Variants in CRACDL observed in about 807,000 individuals in gnomAD.
The protein encoded by CRACDL is CRACD like, also known as CRACD-like protein.
In CRACDL, 26 loss-of-function variants were observed where a neutral mutation model predicts 70.6. The observed-to-expected ratio is 0.37, with a 90% CI of 0.27 to 0.51. The LOEUF is 0.51. Ranked by LOEUF, CRACDL falls within the 20% of genes least tolerant of loss-of-function variation. CRACDL has a pLI of 0.94. For missense variants in CRACDL, 1,283 were observed against 1,376.9 expected, an observed-to-expected ratio of 0.93 and a Z score of 1.08; for synonymous variants, 618 against 615.2, an observed-to-expected ratio of 1.00 and a Z score of -0.07.
intron 3 of CRACDL, among the ~76,000 whole-genome samples, chr2:98,835,608 GA>G (rs982212638): frequency 6.7e-6 from 1 of 149,382 alleles, no homozygotes; most frequent in South Asian, 2.1e-4. Context: ...ATGATATTTG[GA>G]AAAAAAAAGA....
chr2:98,826,978 T>C lies in CRACDL; in HGVS notation c.732A>G (p.Ser244=). 3 of 1,609,746 alleles carry C rather than the reference T, an allele frequency of 1.9e-6. No homozygotes were observed. The highest frequency in any genetic ancestry group is 2.5e-6 in the Non-Finnish European group (3 of 1,177,222). Residue 244 remains serine (S), a synonymous_variant, in exon 6 of 10, where the codon TCA becomes TCG. Transcript: ENST00000397899. Reference sequence around the variant, plus strand: ...GTGGAGAAGGAAACCCAATTACCGATGAGAGCCGCCTCATCTTACTCGACC... The same window carrying C: ...GTGGAGAAGGAAACCCAATTACCGACGAGAGCCGCCTCATCTTACTCGACC... ...NQRSSKMRRL[S]SRAQSESLSD...
intron 1 of CRACDL, among the ~76,000 whole-genome samples, chr2:98,849,572 CGGGGAGG>C (rs1030379533): frequency 5.3e-5 from 8 of 151,104 alleles, no homozygotes; most frequent in Non-Finnish European, 1.2e-4. Flanking sequence ...GGCGGAGGGC[CGGGGAGG>C]GGGGAGCATG....
At chr2:98,879,282 G>A (rs1303799637) in intron 1 of CRACDL, among the ~76,000 whole-genome samples, 2 of 152,094 alleles carry the variant, frequency 1.3e-5, no homozygotes, top group African/African-American at 2.4e-5. Flanking sequence ...ACCTGCACTC[G>A]CTTTTATTAA....
In CRACDL at chr2:98,832,642, C is replaced by T. The variant is rs1439170209; in HGVS notation, c.376-130G>A. The stretch of plus-strand genomic sequence containing the variant: ...GTGTGGTGCAGAGAACTGAACTGAA[C>T]GTGCATCTGCCACCAGCTCTTCCAC... On this transcript the variant is annotated intron_variant, in intron 4 of 9. Coordinates refer to ENST00000397899, the MANE Select transcript of CRACDL (RefSeq NM_207362.3). 1.9e-5 allele frequency: 19 copies of T among 1,020,716 alleles called. No individual in the cohort carries two copies. The East Asian group carries it at 3.3e-4, about 18-fold the overall frequency. 63.2% of individuals were successfully genotyped at this position (1,020,716 alleles called of 1,614,324 possible).
At chr2:98,802,925 G>A (rs1347454217) in intron 7 of CRACDL, among the ~76,000 whole-genome samples, 2 of 152,000 alleles carry the variant, frequency 1.3e-5, no homozygotes, top group Admixed American at 6.5e-5. Flanking sequence ...TTGGTACATG[G>A]TGTCCTTTCT....
intron 1 of CRACDL, among the ~76,000 whole-genome samples, chr2:98,848,352 C>T (rs997277503): frequency 6.6e-6 from 1 of 152,104 alleles, no homozygotes; most frequent in African/African-American, 2.4e-5. Flanking sequence ...CCCAAGAGTC[C>T]TTTAGAGGTG....
chr2:98,847,894 T>C (rs542475333), intron 1 of CRACDL, among the ~76,000 whole-genome samples: 2 of 152,252 alleles, frequency 1.3e-5, no homozygotes, highest in South Asian at 4.2e-4. Context: ...GATTTGCGGG[T>C]GTGTGCCCGA....
rs145121973 is a variant in CRACDL, at chr2:98,931,683, C to T, written c.-11+4255G>A. 6.2e-3 allele frequency among the ~76,000 whole-genome samples: 951 copies of T among 152,326 alleles called. 9 individuals carry two copies. Among genetic ancestry groups the T allele is most frequent in the African/African-American group, 0.022 (902 of 41,574 alleles). On this transcript the variant is annotated intron_variant, in intron 1 of 9. Coordinates refer to ENST00000397899, the MANE Select transcript of CRACDL (RefSeq NM_207362.3). Reference sequence around the variant, plus strand: ...TTCCATCTGCACTTTTCAAAACGAACTTCCATAATTTCCTTTCACAGATAC... The same window carrying T: ...TTCCATCTGCACTTTTCAAAACGAATTTCCATAATTTCCTTTCACAGATAC...
chr2:98,822,073 G>T lies in CRACDL; in HGVS notation c.2200C>A (p.Pro734Thr). The change falls in exon 7 of 10, where the codon CCC becomes ACC. Residue 734 changes from proline (P) to threonine (T), a missense_variant. This residue lies in a region of CRACDL where 921 missense variants were observed against 881.9 expected (regional missense o/e 1.04). Transcript: ENST00000397899. The surrounding 1 kb of genome is among the most constrained non-coding windows in gnomAD (Gnocchi z 4.9). Reference protein sequence around the residue: ...KEEKCPLGTAPALRGTRAPSD... With the variant: ...KEEKCPLGTATALRGTRAPSD... ...GGGGCCCTGGTGCCTCGAAGGGCGG[G>T]GGCCGTCCCGAGGGGACACTTCTCC... 6 of 1,553,260 alleles carry T rather than the reference G, an allele frequency of 3.9e-6. No homozygotes were observed. The highest frequency in any genetic ancestry group is 5.2e-6 in the Non-Finnish European group (6 of 1,148,426).
rs72958661 is a variant in CRACDL, at chr2:98,838,358, G to A, written c.71-71C>T. ...TGTGTTTATGTGCATGTATGCAACA[G>A]GCACGTAAAAGAGAGAAAGCAAGAT... On this transcript the variant is annotated intron_variant, in intron 2 of 9. Coordinates refer to ENST00000397899, the MANE Select transcript of CRACDL (RefSeq NM_207362.3). The A allele has an allele frequency of 3.1e-3, 2,603 of 834,828 alleles. 59 individuals carry two copies. The African/African-American group carries it at 0.041, about 13-fold the overall frequency. 51.7% of individuals were successfully genotyped at this position (834,828 alleles called of 1,614,324 possible).
chr2:98,920,047 C>A (rs1161962631), intron 1 of CRACDL, among the ~76,000 whole-genome samples: 5 of 152,188 alleles, frequency 3.3e-5, no homozygotes, highest in Non-Finnish European at 1.5e-5. Context: ...AGCCACTGTG[C>A]CTGGCCTACA....
intron 2 of CRACDL, among the ~76,000 whole-genome samples, chr2:98,842,057 T>C (rs78490612): frequency 0.031 from 4,649 of 152,240 alleles, 232 homozygotes; most frequent in African/African-American, 0.11. Flanking sequence ...TTGGGATTCA[T>C]TGGGTTTCTT....
At chr2:98,897,584 G>A (rs1242700164) in intron 1 of CRACDL, 1 of 265,664 alleles carries the variant, frequency 3.8e-6, no homozygotes, top group African/African-American at 2.2e-5. Flanking sequence ...CCAATGAAAG[G>A]AGAAAAATTA....
chr2:98,912,121 A>G (rs1708559624), intron 1 of CRACDL, among the ~76,000 whole-genome samples: 1 of 152,220 alleles, frequency 6.6e-6, no homozygotes, highest in Non-Finnish European at 1.5e-5. Context: ...TGTGACAACC[A>G]CTGGCGTCCT....
intron 1 of CRACDL, among the ~76,000 whole-genome samples, chr2:98,853,450 A>ATCTAAAAAGTGATATGTACTACACTTT (rs1346256292): frequency 3.9e-5 from 6 of 152,334 alleles, no homozygotes; most frequent in African/African-American, 1.2e-4. Flanking sequence ...ACTTTCACTT[A>ATCTAAAAAGTGATATGTACTACACTTT]TCTAAAAAGT....
At chr2:98,886,253 C>T (rs1210820882) in intron 1 of CRACDL, among the ~76,000 whole-genome samples, 5 of 152,192 alleles carry the variant, frequency 3.3e-5, no homozygotes, top group Non-Finnish European at 7.3e-5. Flanking sequence ...AAGGAAAACC[C>T]ACTATGACCT....
intron 1 of CRACDL, among the ~76,000 whole-genome samples, chr2:98,911,621 C>T (rs538378397): frequency 6.6e-5 from 10 of 152,282 alleles, no homozygotes; most frequent in South Asian, 6.2e-4. Flanking sequence ...GCTCCCAAGC[C>T]CACCTGAAGG....
intron 1 of CRACDL, among the ~76,000 whole-genome samples, chr2:98,886,749 T>A (rs767070381): frequency 1.3e-5 from 2 of 151,956 alleles, no homozygotes; most frequent in African/African-American, 2.4e-5. Context: ...TTCAGAAAAG[T>A]CAATAAACAA....
rs561839252 is a variant in CRACDL at position 98,821,774 on chromosome 2, T to C, written c.2416+83A>G. 1.7e-4 allele frequency: 251 copies of C among 1,501,988 alleles called. 4 individuals are homozygous for C. In the South Asian group the frequency reaches 3.0e-3, roughly 18 times the overall value. The allele number at this position is 1,501,988 out of a possible 1,614,324, so 93.0% of individuals were successfully genotyped here. A position where few individuals can be genotyped will look rare whatever the true frequency, so the allele number is the denominator to read the frequency against. On this transcript the variant is annotated intron_variant, in intron 7 of 9. Coordinates refer to ENST00000397899, the MANE Select transcript of CRACDL (RefSeq NM_207362.3). ...TGCAACAAAGTTTGTACCAGGAGCATTTGGCGAGTGTCCAGCAAGATGTGC... is the reference window on the plus strand; with the variant it reads ...TGCAACAAAGTTTGTACCAGGAGCACTTGGCGAGTGTCCAGCAAGATGTGC...
Sources: allele counts gnomAD v4.1 joint callset (sites outside exome capture counted in the v4.1 genomes callset), GRCh38; gene constraint gnomAD v4.1.1; regional missense constraint gnomAD v4.1.1; non-coding constraint Gnocchi (gnomAD v3.1); transcripts MANE v1.5; gene names NCBI Gene and HGNC (gene_info 2026-07-23, HGNC 2026-07-21).